Variants in COL14A1 observed in about 807,000 individuals in gnomAD.
COL14A1 encodes the protein collagen type XIV alpha 1 chain, also known as collagen alpha-1(XIV) chain.
In COL14A1, 136 loss-of-function variants were observed where a neutral mutation model predicts 230.3. The ratio of observed to expected loss-of-function variants is 0.59; its 90% confidence interval spans 0.51 to 0.68. COL14A1 has a LOEUF of 0.68. COL14A1 is among the 30% of genes least tolerant of loss of function. The pLI, the probability that COL14A1 is intolerant of heterozygous loss-of-function variation, is 0.00. For missense variants in COL14A1, 1,976 were observed against 2,215.8 expected (o/e 0.89, Z 2.17); for synonymous variants, 792 against 784.1 (o/e 1.01, Z -0.17).
chr8:120,264,170 A>C (rs980673009), intron 24 of COL14A1, among the ~76,000 whole-genome samples: 7 of 152,148 alleles, frequency 4.6e-5, no homozygotes, highest in African/African-American at 1.7e-4. Flanking sequence ...TTTATTATAC[A>C]TTTGCCTTTT....
intron 22 of COL14A1, among the ~76,000 whole-genome samples, chr8:120,253,112 C>A (rs1013532958): frequency 9.2e-5 from 14 of 152,294 alleles, no homozygotes; most frequent in African/African-American, 3.4e-4. Flanking sequence ...TCACAGCCTT[C>A]CTTAGTTATA....
In COL14A1 at chr8:120,235,517, A is replaced by T. The variant is rs561593381; in HGVS notation, c.2349+3899A>T. On this transcript the variant is annotated intron_variant, in intron 19 of 47. Transcript: ENST00000297848. ...TTGATTCTTCTCTCTTTTCTTCTTT[A>T]TTAGTCTGGCTAGTGGTCTATTTAT... 2.5e-3 allele frequency among the ~76,000 whole-genome samples: 376 copies of T among 151,826 alleles called. 1 individual carries two copies. The highest frequency in any genetic ancestry group is 8.5e-3 in the African/African-American group (351 of 41,366).
chr8:120,160,831 A>G (rs1455221846), intron 3 of COL14A1, among the ~76,000 whole-genome samples: 1 of 152,220 alleles, frequency 6.6e-6, no homozygotes, highest in Non-Finnish European at 1.5e-5. Flanking sequence ...TATATAGCTA[A>G]ATAGTTTAAT....
chr8:120,318,302 AGTTTGTGGACT>A (rs1483385720), intron 40 of COL14A1, among the ~76,000 whole-genome samples: 1 of 152,212 alleles, frequency 6.6e-6, no homozygotes, highest in East Asian at 1.9e-4. Context: ...AGAGGGAGAC[AGTTTGTGGACT>A]GTTTGCCTAG....
At chr8:120,132,955 C>T (rs1202297218) in intron 1 of COL14A1, among the ~76,000 whole-genome samples, 2 of 152,124 alleles carry the variant, frequency 1.3e-5, no homozygotes, top group Non-Finnish European at 2.9e-5. Context: ...CGGTGGCTCA[C>T]GCCTGTAATC....
At chr8:120,225,054 A>G (rs1818051630) in intron 14 of COL14A1, 34 bp from the exon 15 acceptor site, 7 of 1,596,584 alleles carry the variant, frequency 4.4e-6, no homozygotes, top group East Asian at 4.5e-5. Flanking sequence ...TTAGCATTAG[A>G]TAGAGCTGTT....
chr8:120,329,926 G>A (rs1380189284), intron 40 of COL14A1, among the ~76,000 whole-genome samples: 1 of 152,072 alleles, frequency 6.6e-6, no homozygotes, highest in Admixed American at 6.5e-5. Flanking sequence ...TGGGGGTTAG[G>A]GGGTCTCTGC....
intron 20 of COL14A1, among the ~76,000 whole-genome samples, chr8:120,245,860 A>C (rs1180017520): frequency 6.6e-6 from 1 of 152,166 alleles, no homozygotes; most frequent in Non-Finnish European, 1.5e-5. Flanking sequence ...CTGTAACAGC[A>C]AGAGTTCCAA....
chr8:120,305,542 A>C (rs1820833542), intron 36 of COL14A1, among the ~76,000 whole-genome samples: 1 of 152,040 alleles, frequency 6.6e-6, no homozygotes, highest in Admixed American at 6.6e-5. Context: ...TATTTTAGAT[A>C]TTTCTCTTTA....
At chr8:120,197,960 A>G in intron 7 of COL14A1, 30 bp downstream of exon 7, 1 of 1,606,606 alleles carries the variant, frequency 6.2e-7, no homozygotes, top group Non-Finnish European at 8.5e-7. Flanking sequence ...TGTTATAACA[A>G]CATATCTTTT....
chr8:120,195,765 A>G (rs752249819), intron 5 of COL14A1, among the ~76,000 whole-genome samples: 4 of 152,154 alleles, frequency 2.6e-5, no homozygotes, highest in Non-Finnish European at 4.4e-5. Flanking sequence ...ACCTGCCCCC[A>G]TTATTTAATT....
At chr8:120,209,418 G>A (rs1259857735) in intron 11 of COL14A1, among the ~76,000 whole-genome samples, 5 of 151,952 alleles carry the variant, frequency 3.3e-5, no homozygotes, top group Admixed American at 1.3e-4. Flanking sequence ...GGGTGGGGAC[G>A]CAATCCAAGG....
chr8:120,154,636 GGT>G, intron 2 of COL14A1, among the ~76,000 whole-genome samples: 1 of 152,038 alleles, frequency 6.6e-6, no homozygotes, highest in East Asian at 1.9e-4. Flanking sequence ...TGAGTCTGTT[GGT>G]TTCCTCTGGG....
At chr8:120,329,129 T>G (rs979873223) in intron 40 of COL14A1, among the ~76,000 whole-genome samples, 1 of 152,246 alleles carries the variant, frequency 6.6e-6, no homozygotes, top group Non-Finnish European at 1.5e-5. Flanking sequence ...TATATTATTA[T>G]AAACTTATAA....
At chr8:120,328,410 T>TG (rs1821758767) in intron 40 of COL14A1, among the ~76,000 whole-genome samples, 1 of 151,394 alleles carries the variant, frequency 6.6e-6, no homozygotes, top group African/African-American at 2.4e-5. Flanking sequence ...TTTTTTTTTT[T>TG]GGTAGAGATA....
At chr8:120,319,235 C>T (rs955413658) in intron 40 of COL14A1, among the ~76,000 whole-genome samples, 3 of 152,162 alleles carry the variant, frequency 2.0e-5, no homozygotes, top group Non-Finnish European at 4.4e-5. Context: ...TGACTCACTG[C>T]AGCCTCAAAC....
At chr8:120,236,692 G>C (rs1818455164) in intron 19 of COL14A1, among the ~76,000 whole-genome samples, 1 of 152,134 alleles carries the variant, frequency 6.6e-6, no homozygotes, top group Admixed American at 6.6e-5. Context: ...CCCATTAGTT[G>C]ATGCAGTTTC....
intron 19 of COL14A1, among the ~76,000 whole-genome samples, chr8:120,239,740 A>C (rs1214917465): frequency 6.6e-6 from 1 of 151,402 alleles, no homozygotes; most frequent in African/African-American, 2.4e-5. Context: ...TTTCTGTGTT[A>C]TTTTTCTCAT....
intron 43 of COL14A1, 99 bp downstream of exon 43, chr8:120,341,459 A>G: frequency 1.6e-6 from 2 of 1,235,964 alleles, no homozygotes; most frequent in Admixed American, 2.0e-5. Context: ...ATTAATATTC[A>G]TTGCAATTGT....
Sources: allele counts gnomAD v4.1 joint callset (sites outside exome capture counted in the v4.1 genomes callset), GRCh38; gene constraint gnomAD v4.1.1; transcripts MANE v1.5; gene names NCBI Gene and HGNC (gene_info 2026-07-23, HGNC 2026-07-21).